The following PLA2G4A variants were observed in gnomAD, a reference collection of about 807,000 sequenced individuals.
The protein encoded by PLA2G4A is cytosolic phospholipase A2.
PLA2G4A carries 40 observed loss-of-function variants against 81.9 expected under a neutral mutation model. That is an observed-to-expected ratio of 0.49 (90% CI 0.38 to 0.64). PLA2G4A has a LOEUF of 0.64. Among genes scored for constraint, PLA2G4A ranks in the 30% least tolerant of loss-of-function variants. The pLI is 0.00. For missense variants in PLA2G4A, 715 were observed against 905.1 expected, an observed-to-expected ratio of 0.79 and a Z score of 2.69; for synonymous variants, 302 against 296.9, an observed-to-expected ratio of 1.02 and a Z score of -0.18.
At chr1:186,892,263 T>G (rs2102109864) in intron 3 of PLA2G4A, among the ~76,000 whole-genome samples, 1 of 152,276 alleles carries the variant, frequency 6.6e-6, no homozygotes, top group East Asian at 1.9e-4. Context: ...TGTTGATTTT[T>G]TTTCCTTTGG....
rs373951791 is a variant in PLA2G4A, at chr1:186,917,653, G to A, written c.558+6264G>A. ...GATTCATAAGGGCAGTCCAAACCTA[G>A]GAATAAGATCTTGGAGAAGCACATG... On this transcript the variant is annotated intron_variant, in intron 7 of 17. Transcript: ENST00000367466. Among the ~76,000 whole-genome samples, 5 of 152,242 alleles carry A rather than the reference G, an allele frequency of 3.3e-5. No individual in the cohort carries two copies. The East Asian group carries it at 7.7e-4, about 24-fold the overall frequency.
At chr1:186,860,903 A>G (rs921448149) in intron 2 of PLA2G4A, among the ~76,000 whole-genome samples, 2 of 152,078 alleles carry the variant, frequency 1.3e-5, no homozygotes, top group Non-Finnish European at 2.9e-5. Context: ...ATATAGTCAT[A>G]TTTCAATTTG....
chr1:186,938,313 A>G (rs1320468019), intron 8 of PLA2G4A, among the ~76,000 whole-genome samples: 2 of 152,100 alleles, frequency 1.3e-5, no homozygotes, highest in Non-Finnish European at 2.9e-5. Flanking sequence ...TATTATCTAG[A>G]TATCAAATAT....
intron 10 of PLA2G4A, among the ~76,000 whole-genome samples, chr1:186,942,733 TC>T (rs1656196027): frequency 6.6e-6 from 1 of 152,170 alleles, no homozygotes; most frequent in South Asian, 2.1e-4. Flanking sequence ...TATTCTGGGT[TC>T]TTTTAGACTG....
intron 2 of PLA2G4A, among the ~76,000 whole-genome samples, chr1:186,857,071 C>A (rs1652581687): frequency 3.4e-4 from 1 of 2,968 alleles, no homozygotes; most frequent in East Asian, 5.9e-3. Flanking sequence ...GCAGCCCCCA[C>A]ATATATTATA....
At chr1:186,890,774 A>T (rs988373011) in intron 3 of PLA2G4A, among the ~76,000 whole-genome samples, 2 of 151,938 alleles carry the variant, frequency 1.3e-5, no homozygotes, top group African/African-American at 4.8e-5. Context: ...AAATTGCTTG[A>T]ACCAGGAGGC....
chr1:186,962,622 C>T (rs1221806376), intron 14 of PLA2G4A, among the ~76,000 whole-genome samples: 1 of 151,976 alleles, frequency 6.6e-6, no homozygotes, highest in East Asian at 1.9e-4. Flanking sequence ...CCCGAGTTCA[C>T]GCCATTCTCC....
intron 14 of PLA2G4A, among the ~76,000 whole-genome samples, chr1:186,962,483 T>C (rs1656984445): frequency 7.9e-6 from 1 of 127,170 alleles, no homozygotes; most frequent in African/African-American, 3.7e-5. Flanking sequence ...TGTAGTTATT[T>C]TATTTTATTT....
At chr1:186,942,616 G>A (rs1259708469) in intron 10 of PLA2G4A, among the ~76,000 whole-genome samples, 1 of 151,928 alleles carries the variant, frequency 6.6e-6, no homozygotes, top group African/African-American at 2.4e-5. Flanking sequence ...GATTGTTCTG[G>A]ACTTTTCACG....
intron 15 of PLA2G4A, among the ~76,000 whole-genome samples, chr1:186,968,677 C>T (rs937154163): frequency 2.6e-5 from 4 of 151,614 alleles, no homozygotes; most frequent in African/African-American, 9.7e-5. Flanking sequence ...TGCTATCTTG[C>T]CACCTTTTTC....
intron 10 of PLA2G4A, among the ~76,000 whole-genome samples, chr1:186,941,844 G>C (rs1222896878): frequency 6.6e-6 from 1 of 152,120 alleles, no homozygotes; most frequent in Non-Finnish European, 1.5e-5. Flanking sequence ...ACTATACACT[G>C]TCATTTTGAC....
chr1:186,940,717 G>A (rs554003199), intron 10 of PLA2G4A, among the ~76,000 whole-genome samples: 12 of 152,156 alleles, frequency 7.9e-5, no homozygotes, highest in Non-Finnish European at 1.2e-4. Flanking sequence ...GTTTAGTACA[G>A]ATCAAACAGT....
At chr1:186,859,002 T>C (rs1652700476) in intron 2 of PLA2G4A, among the ~76,000 whole-genome samples, 1 of 152,090 alleles carries the variant, frequency 6.6e-6, no homozygotes, top group Non-Finnish European at 1.5e-5. Flanking sequence ...TCAAAATATA[T>C]AAATGAGCAA....
intron 1 of PLA2G4A, among the ~76,000 whole-genome samples, chr1:186,837,565 T>TAAA (rs199536345): frequency 8.7e-5 from 12 of 138,650 alleles, no homozygotes; most frequent in African/African-American, 2.9e-4. Context: ...CCATCTGTAC[T>TAAA]AAAAAAAAAA....
intron 2 of PLA2G4A, among the ~76,000 whole-genome samples, chr1:186,868,577 A>G (rs1428614565): frequency 6.6e-6 from 1 of 152,192 alleles, no homozygotes; most frequent in Non-Finnish European, 1.5e-5. Context: ...TTCTGGAAAG[A>G]TTGTAGATAA....
At chr1:186,839,840 T>G (rs1377794767) in intron 1 of PLA2G4A, among the ~76,000 whole-genome samples, 2 of 152,096 alleles carry the variant, frequency 1.3e-5, no homozygotes, top group Admixed American at 1.3e-4. Flanking sequence ...ACTTTGGAAC[T>G]ATGTTGGAGT....
At chr1:186,912,008 A>G (rs1654961962) in intron 7 of PLA2G4A, among the ~76,000 whole-genome samples, 1 of 152,172 alleles carries the variant, frequency 6.6e-6, no homozygotes, top group African/African-American at 2.4e-5. Flanking sequence ...GGGATGTCTC[A>G]GTTCAAGGAC....
chr1:186,861,407 T>G (rs1048058787), intron 2 of PLA2G4A, among the ~76,000 whole-genome samples: 1 of 152,320 alleles, frequency 6.6e-6, no homozygotes, highest in African/African-American at 2.4e-5. Context: ...TGGGTTTTTG[T>G]GCTCTTTTTC....
At chr1:186,922,971 T>C (rs1655411101) in intron 7 of PLA2G4A, among the ~76,000 whole-genome samples, 1 of 152,250 alleles carries the variant, frequency 6.6e-6, no homozygotes, top group Non-Finnish European at 1.5e-5. Flanking sequence ...AATCTATAGA[T>C]AACATAACCA....
Sources: gnomAD v4.1 joint callset for allele counts (sites outside exome capture counted in the v4.1 genomes callset) on GRCh38, gnomAD v4.1.1 for gene constraint, MANE v1.5 for transcripts, NCBI Gene and HGNC (gene_info 2026-07-23, HGNC 2026-07-21) for gene names.